The following TAAR9 variants were observed in gnomAD, a reference collection of about 807,000 sequenced individuals.
TAAR9 encodes the protein trace amine associated receptor 9.
For missense variants in TAAR9, 453 were observed against 409.4 expected, an observed-to-expected ratio of 1.11 and a Z score of -0.92; for synonymous variants, 162 against 152.6, an observed-to-expected ratio of 1.06 and a Z score of -0.45.
Position 132,539,023 on chromosome 6 carries a change from A to T in TAAR9, c.734A>T (p.Tyr245Phe), listed in dbSNP as rs138349940. 1.3e-4 allele frequency: 201 copies of T among 1,529,220 alleles called. No individual in the cohort carries two copies. The Middle Eastern group carries it at 1.4e-3, about 11-fold the overall frequency. The allele number at this position is 1,529,220 out of a possible 1,614,324, so 94.7% of individuals were successfully genotyped here. The stretch of plus-strand genomic sequence containing the variant: ...CAAGCTCAGTCCTCCTCAGAGAGTT[A>T]CAAGGAAAGAGTAGCAAAAAGAGAG... Residue 245 changes from tyrosine (Y) to phenylalanine (F), a missense_variant, in exon 1 of 1, where the codon TAC (tyrosine) becomes TTC (phenylalanine). Tyr to Phe is a conservative substitution (Grantham distance 22). Coordinates refer to ENST00000434551, the Ensembl canonical transcript of TAAR9.
At chr6:132,538,471 A>G (rs1161757849) in exon 1 of TAAR9, 14 of 1,612,610 alleles carry the variant, frequency 8.7e-6, no homozygotes, top group Non-Finnish European at 1.1e-5. Context: ...CTTCACTTCA[A>G]ACAACTGCAC....
exon 1 of TAAR9, chr6:132,538,290 A>G (rs759767821): frequency 1.5e-5 from 23 of 1,575,748 alleles, no homozygotes; most frequent in Non-Finnish European, 1.9e-5. Context: ...CAAGAAAGCA[A>G]TGGTGAACAA....
chr6:132,539,259 C>A, exon 1 of TAAR9: 1 of 1,613,144 alleles, frequency 6.2e-7, no homozygotes, highest in Non-Finnish European at 8.5e-7. Context: ...GGCAATAAAA[C>A]TTATTGTAAG....
At chr6:132,538,493 C>T (rs1249589286) in exon 1 of TAAR9, 1 of 1,613,232 alleles carries the variant, frequency 6.2e-7, no homozygotes, top group East Asian at 2.2e-5. Context: ...CACCTACAAA[C>T]TTTCTGATTG....
rs772723382 is a variant in TAAR9 at position 132,538,825 on chromosome 6, A to C, written c.536A>C (p.Glu179Ala). The change falls in exon 1 of 1, where the codon GAA (glutamate) becomes GCA (alanine). Residue 179 changes from glutamate to alanine, a missense_variant. Glu to Ala is a moderately radical substitution (Grantham distance 107, BLOSUM62 -1). Coordinates refer to ENST00000434551, the Ensembl canonical transcript of TAAR9. ...GGAGCCAACGAAGAAGGAATTGAGG[A>C]ATTAGTAGTTGCTCTAACCTGTGTA... 2.5e-6 allele frequency: 4 copies of C among 1,613,760 alleles called. No individual in the cohort carries two copies. The South Asian group carries it at 4.4e-5, about 18-fold the overall frequency.
exon 1 of TAAR9, chr6:132,538,308 C>G (rs936629945): frequency 1.1e-5 from 18 of 1,591,748 alleles, no homozygotes; most frequent in Non-Finnish European, 1.3e-5. Flanking sequence ...CAATTTCTCC[C>G]AAGCTGAGGC....
At chr6:132,538,453 T>A in exon 1 of TAAR9, 1 of 1,613,592 alleles carries the variant, frequency 6.2e-7, no homozygotes, top group Non-Finnish European at 8.5e-7. Flanking sequence ...CTGGTCATGA[T>A]TGCTATCCTT....
chr6:132,538,509 C>G (rs776966455), exon 1 of TAAR9: 23 of 1,612,296 alleles, frequency 1.4e-5, no homozygotes, highest in Non-Finnish European at 1.7e-5. Flanking sequence ...GATTGCGTCG[C>G]TGGCCTGTGC....
In TAAR9 at chr6:132,538,684, T is replaced by C. The variant is rs1769694715; in HGVS notation, c.395T>C (p.Ile132Thr). 3 of 1,612,956 alleles carry C rather than the reference T, an allele frequency of 1.9e-6. No individual in the cohort carries two copies. Among genetic ancestry groups the C allele is most frequent in the Non-Finnish European group, 2.5e-6 (3 of 1,179,550 alleles). Residue 132 changes from isoleucine to threonine, a missense_variant, in exon 1 of 1, where the codon ATT becomes ACT. By Grantham distance (89) the Ile-to-Thr change is moderately conservative. Transcript: ENST00000434551. ...TGCTGTATCTCTGTTGATAGATACATTGCTGTTACTGATCCTCTGACCTAT... is the reference window on the plus strand; with the variant it reads ...TGCTGTATCTCTGTTGATAGATACACTGCTGTTACTGATCCTCTGACCTAT...
At chr6:132,538,622 T>G (rs1438619996) in exon 1 of TAAR9, 1 of 1,592,044 alleles carries the variant, frequency 6.3e-7, no homozygotes, top group Non-Finnish European at 8.6e-7. Flanking sequence ...ATACATGTTT[T>G]GACACATCCT....
rs1489874569 is a variant in TAAR9, at chr6:132,538,945, AG to A, written c.657del (p.Ile220TyrfsTer12). 1 of 1,557,634 alleles carries A rather than the reference AG, an allele frequency of 6.4e-7. No homozygotes were observed. Among genetic ancestry groups the A allele is most frequent in the African/African-American group, 1.4e-5 (1 of 72,822 alleles). ...GTCGCCATGGTGTTTATATACAGTA[AG>A]ATATTTTTGGTGGCCAAGCATCAGG... On this transcript the variant is annotated frameshift_variant, in exon 1 of 1. Transcript: ENST00000434551. LOFTEE classifies it low-confidence loss of function (END_TRUNC).
chr6:132,538,444 T>C lies in TAAR9; in HGVS notation c.155T>C (p.Leu52Pro), dbSNP rs754979511. The C allele has an allele frequency of 3.7e-6, 6 of 1,613,618 alleles. No homozygotes were observed. Among genetic ancestry groups the C allele is most frequent in the Middle Eastern group, 1.6e-4 (1 of 6,062 alleles). ...GTGCTGGCAGCGTTTGGAAACTTAC[T>C]GGTCATGATTGCTATCCTTCACTTC... is the stretch of plus-strand genomic sequence containing the variant. The change falls in exon 1 of 1, where the codon CTG becomes CCG. Residue 52 changes from leucine to proline, a missense_variant. Leu to Pro is a moderately conservative substitution (Grantham distance 98, BLOSUM62 -3). Coordinates refer to ENST00000434551, the Ensembl canonical transcript of TAAR9.
chr6:132,538,384 G>C, exon 1 of TAAR9: 4 of 1,613,720 alleles, frequency 2.5e-6, no homozygotes, highest in Non-Finnish European at 3.4e-6. Context: ...CCAGGTCCTC[G>C]ATCTATCCTC....
At chr6:132,538,516 G>C (rs1283342356) in exon 1 of TAAR9, 1 of 1,612,860 alleles carries the variant, frequency 6.2e-7, no homozygotes, top group Non-Finnish European at 8.5e-7. Context: ...TCGCTGGCCT[G>C]TGCTGACTTC....
exon 1 of TAAR9, chr6:132,539,331 G>T: frequency 6.3e-7 from 1 of 1,599,720 alleles, no homozygotes; most frequent in Non-Finnish European, 8.5e-7. Flanking sequence ...AGTAGAGACA[G>T]ATTAAAAACA....
In TAAR9 at chr6:132,538,812, G is replaced by A. The variant is rs768492229; in HGVS notation, c.523G>A (p.Glu175Lys). The A allele has an allele frequency of 3.7e-6, 6 of 1,613,800 alleles. No individual in the cohort carries two copies. In the African/African-American group the frequency reaches 8.0e-5, roughly 22 times the overall value. The stretch of plus-strand genomic sequence containing the variant: ...GATCTTTTACACGGGAGCCAACGAA[G>A]AAGGAATTGAGGAATTAGTAGTTGC... The change falls in exon 1 of 1, where the codon GAA (glutamate) becomes AAA (lysine). Residue 175 changes from glutamate (E) to lysine (K), a missense_variant. Transcript: ENST00000434551.
chr6:132,538,994 C>A, exon 1 of TAAR9: 1 of 1,532,348 alleles, frequency 6.5e-7, no homozygotes, highest in Non-Finnish European at 8.7e-7. Flanking sequence ...AAAGTACAGC[C>A]AGCCAAGCTC....
At chr6:132,539,134 C>A (rs1402156389) in exon 1 of TAAR9, 1 of 1,571,578 alleles carries the variant, frequency 6.4e-7, no homozygotes, top group Non-Finnish European at 8.6e-7. Flanking sequence ...GTGATTGATG[C>A]TTATATGAAT....
chr6:132,539,137 A>G (rs368732267), exon 1 of TAAR9: 1 of 1,574,200 alleles, frequency 6.4e-7, no homozygotes, highest in Non-Finnish European at 8.6e-7. Context: ...ATTGATGCTT[A>G]TATGAATTTT....
Sources: gnomAD v4.1 joint callset for allele counts on GRCh38, gnomAD v4.1.1 for gene constraint, MANE v1.5 for transcripts, NCBI Gene and HGNC (gene_info 2026-07-23, HGNC 2026-07-21) for gene names.